TP63: variants seen among roughly 807,000 people sequenced by gnomAD.
TP63 encodes the protein tumor protein p63.
In TP63, 17 loss-of-function variants were observed where a neutral mutation model predicts 82.8. The observed-to-expected ratio is 0.21, with a 90% CI of 0.14 to 0.31. TP63 has a LOEUF of 0.31. Among genes scored for constraint, TP63 ranks in the 10% least tolerant of loss-of-function variants. TP63 has a pLI of 1.00. For synonymous variants in TP63, 330 were observed against 321.7 expected (o/e 1.03, Z -0.28); for missense variants, 648 against 895.3 (o/e 0.72, Z 3.52).
At chr3:189,734,536 C>T (rs1720432021) in intron 1 of TP63, among the ~76,000 whole-genome samples, 1 of 152,150 alleles carries the variant, frequency 6.6e-6, no homozygotes, top group Non-Finnish European at 1.5e-5. Context: ...AATCACTTAA[C>T]TGTGTAGGTT....
intron 1 of TP63, among the ~76,000 whole-genome samples, chr3:189,711,507 A>T (rs1718593169): frequency 6.6e-6 from 1 of 152,148 alleles, no homozygotes; most frequent in Non-Finnish European, 1.5e-5. Flanking sequence ...GTGGGGAAAA[A>T]AATAGAAATT....
At chr3:189,782,651 G>A (rs938423693) in intron 3 of TP63, among the ~76,000 whole-genome samples, 6 of 152,222 alleles carry the variant, frequency 3.9e-5, no homozygotes, top group African/African-American at 1.2e-4. Context: ...ATATTATAAT[G>A]TAAGGTGATA....
At chr3:189,681,711 T>C (rs2108692965) in intron 1 of TP63, among the ~76,000 whole-genome samples, 1 of 152,298 alleles carries the variant, frequency 6.6e-6, no homozygotes, top group South Asian at 2.1e-4. Flanking sequence ...ACTCTCTCGC[T>C]GACTGCCTCT....
At chr3:189,626,684 AC>A (rs1729326424), upstream of TP63, among the ~76,000 whole-genome samples, 2 of 152,204 alleles carry the variant, frequency 1.3e-5, no homozygotes, top group African/African-American at 4.8e-5. Flanking sequence ...TCCTGGCCAA[AC>A]ATGGCATCTT....
chr3:189,869,360 C>T lies in TP63; in HGVS notation c.1166C>T (p.Ser389Phe), dbSNP rs1560281511. The T allele has an allele frequency of 5.6e-6, 9 of 1,614,096 alleles. No homozygotes were observed. The highest frequency in any genetic ancestry group is 7.6e-6 in the Non-Finnish European group (9 of 1,179,978). Residue 389 changes from serine (S) to phenylalanine (F), a missense_variant, in exon 9 of 14, where the codon TCC becomes TTC. Physicochemically the swap from Ser to Phe is radical, Grantham distance 155 (BLOSUM62 -2). Coordinates refer to ENST00000264731, the MANE Select transcript of TP63 (RefSeq NM_003722.5). ...AACACACATGGTATCCAGATGACAT[C>T]CATCAAGAAACGAAGATCCCCAGAT... is the stretch of plus-strand genomic sequence containing the variant. ...RQNTHGIQMT[S>F]IKKRRSPDDE...
intron 3 of TP63, among the ~76,000 whole-genome samples, chr3:189,796,894 A>G (rs533850566): frequency 1.3e-5 from 2 of 152,184 alleles, no homozygotes; most frequent in South Asian, 4.1e-4. Context: ...AAGTTGTTCA[A>G]GCTTCTTTTT....
intron 1 of TP63, among the ~76,000 whole-genome samples, chr3:189,685,112 C>T (rs1314811973): frequency 5.3e-5 from 8 of 152,114 alleles, no homozygotes; most frequent in South Asian, 2.1e-4. Flanking sequence ...TTTTTCTAAA[C>T]GAATATGAGA....
intron 10 of TP63, among the ~76,000 whole-genome samples, chr3:189,879,899 T>C (rs1719713240): frequency 1.3e-5 from 2 of 152,196 alleles, no homozygotes; most frequent in African/African-American, 4.8e-5. Flanking sequence ...GTCTCAGTAA[T>C]TGTAAAAGAA....
At chr3:189,624,619 T>A in the TP63 span, among the ~76,000 whole-genome samples, 2,011 of 152,288 alleles carry the variant, frequency 0.013, 26 homozygotes, top group Non-Finnish European at 0.022. Flanking sequence ...AGTGATAAAT[T>A]CTATTTCATG....
At position 189,894,277 on chromosome 3, in the gene TP63, G is replaced by T. The variant is rs978972833; in HGVS notation, c.1818G>T (p.Gln606His). 1.2e-6 allele frequency: 2 copies of T among 1,614,060 alleles called. No homozygotes were observed. Among genetic ancestry groups the T allele is most frequent in the Admixed American group, 3.3e-5 (2 of 60,020 alleles). The change falls in exon 14 of 14, where the codon CAG becomes CAT. Residue 606 changes from glutamine to histidine, a missense_variant. Gln to His is a conservative substitution (Grantham distance 24). This residue lies in a region of TP63 where 342 missense variants were observed against 425.7 expected (regional missense o/e 0.80). Transcript: ENST00000264731. ...AIWKGILDHRQLHEFSSPSHL... is the reference protein window; with the variant it reads ...AIWKGILDHRHLHEFSSPSHL... ...GGAAGGGCATCCTGGACCACCGGCA[G>T]CTCCACGAATTCTCCTCCCCTTCTC...
At chr3:189,777,528 G>A (rs1723892273) in intron 3 of TP63, among the ~76,000 whole-genome samples, 1 of 152,000 alleles carries the variant, frequency 6.6e-6, no homozygotes, top group South Asian at 2.1e-4. Context: ...ATAATTTCAT[G>A]TCTCTGTCTT....
At chr3:189,608,242 A>G in the TP63 span, among the ~76,000 whole-genome samples, 3 of 152,130 alleles carry the variant, frequency 2.0e-5, no homozygotes, top group Non-Finnish European at 4.4e-5. Context: ...AGGGGTATTT[A>G]TTTAGTATAA....
chr3:189,857,093 T>A (rs1312918459), intron 4 of TP63, among the ~76,000 whole-genome samples: 4 of 152,100 alleles, frequency 2.6e-5, no homozygotes, highest in Non-Finnish European at 5.9e-5. Flanking sequence ...AGAACAAAAT[T>A]GCAAGAATCA....
At chr3:189,749,577 C>T (rs1280551294) in intron 3 of TP63, among the ~76,000 whole-genome samples, 2 of 152,118 alleles carry the variant, frequency 1.3e-5, no homozygotes, top group Admixed American at 6.5e-5. Flanking sequence ...AACTCGTATT[C>T]ACTGTTGGTA....
intron 3 of TP63, among the ~76,000 whole-genome samples, chr3:189,758,060 G>A (rs1722315018): frequency 6.6e-6 from 1 of 152,156 alleles, no homozygotes; most frequent in Non-Finnish European, 1.5e-5. Flanking sequence ...TTTGGCACCA[G>A]GAACCAGTTT....
chr3:189,704,647 T>A (rs1718066610), intron 1 of TP63, among the ~76,000 whole-genome samples: 1 of 152,248 alleles, frequency 6.6e-6, no homozygotes, highest in Non-Finnish European at 1.5e-5. Flanking sequence ...CACAGCTTTA[T>A]TTCCTCAGGG....
intron 1 of TP63, among the ~76,000 whole-genome samples, chr3:189,720,108 C>T (rs1414819872): frequency 6.6e-6 from 1 of 152,106 alleles, no homozygotes; most frequent in East Asian, 1.9e-4. Flanking sequence ...AAGCTCGGCC[C>T]ACAAGGTTTT....
At chr3:189,695,211 T>G (rs1577255292) in intron 1 of TP63, among the ~76,000 whole-genome samples, 1 of 152,248 alleles carries the variant, frequency 6.6e-6, no homozygotes, top group African/African-American at 2.4e-5. Context: ...AACTCATGGA[T>G]AGTTATGTTA....
At chr3:189,784,252 T>G (rs1724432104) in intron 3 of TP63, among the ~76,000 whole-genome samples, 1 of 152,066 alleles carries the variant, frequency 6.6e-6, no homozygotes. Context: ...ACTATCTAAA[T>G]CCAGGTAAGT....
Sources: gnomAD v4.1 joint callset for allele counts (sites outside exome capture counted in the v4.1 genomes callset) on GRCh38, gnomAD v4.1.1 for gene constraint, gnomAD v4.1.1 regional missense constraint, MANE v1.5 for transcripts, NCBI Gene and HGNC (gene_info 2026-07-23, HGNC 2026-07-21) for gene names.